MRPS9: variants seen among roughly 807,000 people sequenced by gnomAD.
MRPS9 encodes mitochondrial ribosomal protein S9.
MRPS9 carries 45 observed loss-of-function variants against 59.9 expected under a neutral mutation model. The observed-to-expected ratio is 0.75, with a 90% CI of 0.59 to 0.96. MRPS9 has a LOEUF of 0.96. MRPS9 is among the 40% of genes least tolerant of loss of function. The pLI is 0.00. For synonymous variants in MRPS9, 171 were observed against 166.8 expected (o/e 1.03, Z -0.19); for missense variants, 473 against 481.1 (o/e 0.98, Z 0.16).
At chr2:105,050,539 T>C (rs937838750) in intron 2 of MRPS9, among the ~76,000 whole-genome samples, 1 of 152,194 alleles carries the variant, frequency 6.6e-6, no homozygotes, top group Admixed American at 6.5e-5. Context: ...CTGGACAGTA[T>C]TGGGGGATAT....
intron 5 of MRPS9, among the ~76,000 whole-genome samples, chr2:105,083,751 G>A (rs1164888917): frequency 6.6e-6 from 1 of 152,092 alleles, no homozygotes; most frequent in Admixed American, 6.6e-5. Flanking sequence ...GTGTACTGGG[G>A]AACTCTAATA....
At chr2:105,062,960 A>G (rs1468337760) in intron 2 of MRPS9, among the ~76,000 whole-genome samples, 1 of 152,286 alleles carries the variant, frequency 6.6e-6, no homozygotes, top group African/African-American at 2.4e-5. Flanking sequence ...ACTTGGAAGT[A>G]TAAGTAATAT....
chr2:105,057,344 A>C (rs942441203), intron 2 of MRPS9, among the ~76,000 whole-genome samples: 8 of 152,222 alleles, frequency 5.3e-5, no homozygotes, highest in Non-Finnish European at 1.2e-4. Flanking sequence ...CTGTTTCATC[A>C]GTCTTTCACA....
In MRPS9 at chr2:105,095,897, G is replaced by A. The variant is rs575362099; in HGVS notation, c.930-1258G>A. On this transcript the variant is annotated intron_variant, in intron 9 of 10. Coordinates refer to ENST00000258455, the MANE Select transcript of MRPS9 (RefSeq NM_182640.3). ...TCTGGACCCAGACTGGACTCAAGCT[G>A]CTGGGCTCAAGCAGTCCTCCCACCT... is the stretch of plus-strand genomic sequence containing the variant. Among the ~76,000 whole-genome samples the A allele has an allele frequency of 5.7e-4, 86 of 150,842 alleles. 1 individual carries two copies. Among genetic ancestry groups the A allele is most frequent in the Non-Finnish European group, 9.9e-4 (67 of 67,702 alleles).
rs149588889 is a variant in MRPS9, at chr2:105,092,450, G to T, written c.701G>T (p.Gly234Val). The T allele has an allele frequency of 6.2e-7, 1 of 1,613,712 alleles. No homozygotes were observed. Among genetic ancestry groups the T allele is most frequent in the African/African-American group, 1.3e-5 (1 of 74,916 alleles). ...GAAAAGTTATTGACATCGCAGTGTGGTGCTGCTGAGGAAGAATTTGTGCAG... is the reference window on the plus strand; with the variant it reads ...GAAAAGTTATTGACATCGCAGTGTGTTGCTGCTGAGGAAGAATTTGTGCAG... ...LLEKLLTSQC[G>V]AAEEEFVQRF... Residue 234 changes from glycine (G) to valine (V), a missense_variant, in exon 8 of 11, where the codon GGT becomes GTT. By Grantham distance (109) the Gly-to-Val change is moderately radical. Coordinates refer to ENST00000258455, the MANE Select transcript of MRPS9 (RefSeq NM_182640.3).
chr2:105,079,964 T>A lies in MRPS9; in HGVS notation c.410-19T>A. On this transcript the variant is annotated intron_variant, in intron 4 of 10. Coordinates refer to ENST00000258455, the MANE Select transcript of MRPS9 (RefSeq NM_182640.3). The stretch of plus-strand genomic sequence containing the variant: ...CTGTGTATATTTTTATTTGCTTTCA[T>A]CTGGCTTTTTTAAATCAGCAATCCA... 1 of 1,600,826 alleles carries A rather than the reference T, an allele frequency of 6.2e-7. No homozygotes were observed.
chr2:105,049,158 T>C lies in MRPS9; in HGVS notation c.136-13T>C. 6.6e-7 allele frequency: 1 copy of C among 1,507,400 alleles called. No individual in the cohort carries two copies. 93.4% of individuals were successfully genotyped at this position (1,507,400 alleles called of 1,614,324 possible). The stretch of plus-strand genomic sequence containing the variant: ...ATTTATTTTCTTTTCTTTCCATCTA[T>C]ATTTTCTGTTAGATATTAAGGCTAA... On this transcript the variant is annotated splice_polypyrimidine_tract_variant and intron_variant, in intron 1 of 10. Coordinates refer to ENST00000258455, the MANE Select transcript of MRPS9 (RefSeq NM_182640.3).
chr2:105,059,480 AC>A (rs1437571466), intron 2 of MRPS9, among the ~76,000 whole-genome samples: 2 of 152,104 alleles, frequency 1.3e-5, no homozygotes, highest in East Asian at 3.9e-4. Context: ...CCAAATACAA[AC>A]CCAAATACCT....
intron 2 of MRPS9, among the ~76,000 whole-genome samples, chr2:105,053,238 A>C (rs1015746722): frequency 6.6e-6 from 1 of 152,222 alleles, no homozygotes; most frequent in Non-Finnish European, 1.5e-5. Flanking sequence ...GTTTACCCAG[A>C]ATATTAGTTT....
rs1348624580 is a variant in MRPS9, at chr2:105,092,441, C to A, written c.692C>A (p.Ser231Ter). 1.9e-6 allele frequency: 3 copies of A among 1,613,012 alleles called. No individual in the cohort carries two copies. The highest frequency in any genetic ancestry group is 1.1e-5 in the South Asian group (1 of 90,770). The change falls in exon 8 of 11, where the codon TCG (serine) becomes TAG (stop). Residue 231 changes from serine (S) to a stop codon, truncating the protein, a stop_gained. Transcript: ENST00000258455. LOFTEE classifies it high-confidence loss of function. ...CGGCTGCTAGAAAAGTTATTGACAT[C>A]GCAGTGTGGTGCTGCTGAGGAAGAA... ...FIRLLEKLLT[S>*]QCGAAEEEFV...
At chr2:105,046,628 G>GA (rs1679601082) in intron 1 of MRPS9, among the ~76,000 whole-genome samples, 1 of 150,842 alleles carries the variant, frequency 6.6e-6, no homozygotes, top group African/African-American at 2.4e-5. Flanking sequence ...TCCTCCTCTG[G>GA]AATCCCTTCA....
intron 2 of MRPS9, among the ~76,000 whole-genome samples, chr2:105,068,324 C>T (rs1464568252): frequency 6.6e-6 from 1 of 152,068 alleles, no homozygotes; most frequent in Non-Finnish European, 1.5e-5. Context: ...AAATATCAGT[C>T]TCCATAAAAT....
rs1366708213 is a variant in MRPS9 at position 105,089,947 on chromosome 2, T to C, written c.603T>C (p.Ile201=). ...TRDVIGSRWL[I]KEELEEMLVE... is the part of the protein sequence containing the mutation. Reference sequence around the variant, plus strand: ...ACGTGATTGGCAGCAGATGGCTGATTAAGGAGGAACTAGAAGAAATGTTAG... The same window carrying C: ...ACGTGATTGGCAGCAGATGGCTGATCAAGGAGGAACTAGAAGAAATGTTAG... The change falls in exon 7 of 11, where the codon ATT becomes ATC. Residue 201 remains isoleucine, a synonymous_variant. Transcript: ENST00000258455. 6.2e-7 allele frequency: 1 copy of C among 1,610,688 alleles called. No homozygotes were observed. Among genetic ancestry groups the C allele is most frequent in the South Asian group, 1.1e-5 (1 of 90,608 alleles).
Position 105,092,507 on chromosome 2 carries a change from A to T in MRPS9, c.758A>T (p.Lys253Ile), listed in dbSNP as rs369387444. The T allele has an allele frequency of 1.3e-5, 21 of 1,613,902 alleles. No individual in the cohort carries two copies. The highest frequency in any genetic ancestry group is 2.7e-5 in the African/African-American group (2 of 74,938). The change falls in exon 8 of 11, where the codon AAA (lysine) becomes ATA (isoleucine). Residue 253 changes from lysine to isoleucine, a missense_variant. Transcript: ENST00000258455. ...RFRRSVTLES[K>I]KQLIEPVQYD... The stretch of plus-strand genomic sequence containing the variant: ...CGAAGAAGTGTAACTCTTGAATCAA[A>T]AAAACAGCTGATTGAACCTGTACAG...
intron 2 of MRPS9, among the ~76,000 whole-genome samples, chr2:105,070,268 C>T (rs1029659591): frequency 1.6e-4 from 24 of 151,816 alleles, no homozygotes; most frequent in African/African-American, 5.8e-4. Context: ...CCGTGCCTGA[C>T]CTAGGTTTTT....
intron 1 of MRPS9, among the ~76,000 whole-genome samples, chr2:105,042,715 G>A (rs1679522952): frequency 6.6e-6 from 1 of 152,080 alleles, no homozygotes; most frequent in South Asian, 2.1e-4. Context: ...TCTCATTATA[G>A]CAACATTCTC....
At chr2:105,063,157 C>A (rs1679937071) in intron 2 of MRPS9, among the ~76,000 whole-genome samples, 3 of 152,182 alleles carry the variant, frequency 2.0e-5, no homozygotes, top group Admixed American at 2.0e-4. Flanking sequence ...GTAGTCTCAG[C>A]TCCTTGGGCG....
At chr2:105,042,944 G>T (rs1183123869) in intron 1 of MRPS9, among the ~76,000 whole-genome samples, 1 of 152,088 alleles carries the variant, frequency 6.6e-6, no homozygotes, top group Non-Finnish European at 1.5e-5. Flanking sequence ...TCCCAGTCTT[G>T]TTTTTATTTC....
intron 5 of MRPS9, among the ~76,000 whole-genome samples, chr2:105,084,183 A>G (rs991013853): frequency 1.3e-5 from 2 of 151,588 alleles, no homozygotes; most frequent in African/African-American, 4.8e-5. Flanking sequence ...TAAACAATTG[A>G]GTATTTTCAA....
Sources: allele counts gnomAD v4.1 joint callset (sites outside exome capture counted in the v4.1 genomes callset), GRCh38; gene constraint gnomAD v4.1.1; transcripts MANE v1.5; gene names NCBI Gene and HGNC (gene_info 2026-07-23, HGNC 2026-07-21).